The following TMEM116 variants were observed in gnomAD, a reference collection of about 807,000 sequenced individuals.
The protein encoded by TMEM116 is transmembrane protein 116.
Under a neutral mutation model 44.3 loss-of-function variants are expected in TMEM116, and 38 were observed. The observed-to-expected ratio is 0.86, with a 90% confidence interval of 0.66 to 1.12. The LOEUF (loss-of-function observed/expected upper bound fraction) is 1.12, where lower values mean the gene tolerates loss of function less well. TMEM116 is among the 50% of genes most tolerant of loss of function. TMEM116 has a pLI of 0.00. For missense variants in TMEM116, 354 were observed against 401.7 expected (o/e 0.88, Z 1.01); for synonymous variants, 132 against 144.8 (o/e 0.91, Z 0.64).
chr12:111,983,814 C>A (rs2076079224), intron 4 of TMEM116, among the ~76,000 whole-genome samples: 1 of 152,106 alleles, frequency 6.6e-6, no homozygotes, highest in African/African-American at 2.4e-5. Flanking sequence ...TGCAATGCTT[C>A]CCAACTCATT....
chr12:111,945,299 G>A (rs1306441459), intron 4 of TMEM116, among the ~76,000 whole-genome samples: 3 of 128,600 alleles, frequency 2.3e-5, no homozygotes, highest in Non-Finnish European at 4.6e-5. Flanking sequence ...AGCCGAGATC[G>A]AGCCATTGCA....
Position 111,931,733 on chromosome 12 carries a change from T to C in TMEM116, c.902A>G (p.Asp301Gly). ...TAATAATGGTGTCTGGGTATCTGCA[T>C]CACGCCGAGCCTCCTGCTTTAGTTG... is the stretch of plus-strand genomic sequence containing the variant. ...FHQLKQEARR[D>G]ADTQTPLLCS... is the part of the protein sequence containing the mutation. Residue 301 changes from aspartate to glycine, a missense_variant, in exon 11 of 11, where the codon GAT becomes GGT. Transcript: ENST00000552374. 6.2e-7 allele frequency: 1 copy of C among 1,612,988 alleles called. No individual in the cohort carries two copies. The highest frequency in any genetic ancestry group is 8.5e-7 in the Non-Finnish European group (1 of 1,179,506).
chr12:112,010,104 A>G (rs1196135797), intron 1 of TMEM116, among the ~76,000 whole-genome samples: 1 of 152,032 alleles, frequency 6.6e-6, no homozygotes, highest in Non-Finnish European at 1.5e-5. Flanking sequence ...TGTTTGGAGA[A>G]CTCCCTTCAA....
chr12:111,992,471 G>A (rs1475153689), intron 3 of TMEM116, among the ~76,000 whole-genome samples: 3 of 151,928 alleles, frequency 2.0e-5, no homozygotes, highest in East Asian at 1.9e-4. Context: ...GGGTTTCACC[G>A]TGTTAGCCAG....
intron 4 of TMEM116, among the ~76,000 whole-genome samples, chr12:111,953,519 T>C (rs1255667812): frequency 6.6e-6 from 1 of 152,092 alleles, no homozygotes; most frequent in Non-Finnish European, 1.5e-5. Flanking sequence ...TGCCTGATAA[T>C]AAGAACCATC....
At chr12:111,966,176 T>G (rs1047465464) in intron 4 of TMEM116, among the ~76,000 whole-genome samples, 11 of 151,884 alleles carry the variant, frequency 7.2e-5, no homozygotes, top group Non-Finnish European at 1.6e-4. Flanking sequence ...TGTGATGGTG[T>G]GCACCTGCAA....
chr12:111,993,330 G>T (rs2076728976), intron 3 of TMEM116: 1 of 504,580 alleles, frequency 2.0e-6, no homozygotes, highest in South Asian at 1.6e-5. Flanking sequence ...TAAGGAGGAT[G>T]GTGTTCATTC....
At chr12:111,994,055 T>C (rs1456466184) in intron 3 of TMEM116, among the ~76,000 whole-genome samples, 1 of 152,164 alleles carries the variant, frequency 6.6e-6, no homozygotes, top group African/African-American at 2.4e-5. Flanking sequence ...TTGGGTTAAC[T>C]CAGTGACAGA....
chr12:112,001,695 C>G (rs184058330), intron 3 of TMEM116, among the ~76,000 whole-genome samples: 33 of 152,290 alleles, frequency 2.2e-4, no homozygotes, highest in Admixed American at 3.3e-4. Context: ...TTAACTTAAT[C>G]ACATCTGAAC....
intron 4 of TMEM116, among the ~76,000 whole-genome samples, chr12:111,975,576 G>C (rs1211764519): frequency 1.3e-5 from 2 of 152,200 alleles, no homozygotes; most frequent in Non-Finnish European, 1.5e-5. Flanking sequence ...ACGGTTTACA[G>C]CTAAAATAAT....
chr12:111,950,808 C>CA (rs1221871673), intron 4 of TMEM116, among the ~76,000 whole-genome samples: 1 of 151,974 alleles, frequency 6.6e-6, no homozygotes, highest in Non-Finnish European at 1.5e-5. Context: ...AAAGCAATTG[C>CA]AAAAAATGCA....
chr12:112,005,996 T>C (rs1012821441), intron 1 of TMEM116: 8 of 985,764 alleles, frequency 8.1e-6, no homozygotes, highest in South Asian at 4.7e-5. Context: ...GGAAAGGTCA[T>C]AGGGACTTCA....
chr12:112,000,607 G>T, intron 3 of TMEM116: 1 of 348,510 alleles, frequency 2.9e-6, no homozygotes, highest in South Asian at 2.3e-5. Flanking sequence ...GCTTACTGCA[G>T]TCTTACTTAC....
chr12:111,959,044 C>T (rs1246266003), intron 4 of TMEM116, among the ~76,000 whole-genome samples: 1 of 152,050 alleles, frequency 6.6e-6, no homozygotes, highest in African/African-American at 2.4e-5. Flanking sequence ...GACACAAAAT[C>T]ATCAGATTCA....
At chr12:111,934,142 G>A (rs936238256) in intron 8 of TMEM116, 112 bp from the exon 9 acceptor site, 13 of 1,217,168 alleles carry the variant, frequency 1.1e-5, no homozygotes, top group East Asian at 1.1e-4. Context: ...CAACAGGAAC[G>A]ACCCCATTCT....
chr12:111,998,289 G>A (rs1432066018), intron 3 of TMEM116, among the ~76,000 whole-genome samples: 1 of 152,176 alleles, frequency 6.6e-6, no homozygotes, highest in African/African-American at 2.4e-5. Flanking sequence ...GATCAAACTG[G>A]TCTCAGGGTT....
chr12:111,986,954 A>T (rs2076261719), intron 4 of TMEM116, among the ~76,000 whole-genome samples: 1 of 152,236 alleles, frequency 6.6e-6, no homozygotes, highest in South Asian at 2.1e-4. Flanking sequence ...TCTTAAAAGA[A>T]AATATAGCGT....
At chr12:111,948,793 A>C (rs2073483872) in intron 4 of TMEM116, among the ~76,000 whole-genome samples, 1 of 152,210 alleles carries the variant, frequency 6.6e-6, no homozygotes, top group Non-Finnish European at 1.5e-5. Context: ...TCTTTTTAAA[A>C]AATGGCTGGG....
At chr12:111,939,187 G>A (rs2072445016) in intron 5 of TMEM116, among the ~76,000 whole-genome samples, 1 of 152,086 alleles carries the variant, frequency 6.6e-6, no homozygotes, top group Non-Finnish European at 1.5e-5. Flanking sequence ...GGGTGCAGTG[G>A]CTCATGCCTG....
Sources: gnomAD v4.1 joint callset for allele counts (sites outside exome capture counted in the v4.1 genomes callset) on GRCh38, gnomAD v4.1.1 for gene constraint, MANE v1.5 for transcripts, NCBI Gene and HGNC (gene_info 2026-07-23, HGNC 2026-07-21) for gene names.